Variants in HS3ST3B1 observed in about 807,000 individuals in gnomAD.
The protein encoded by HS3ST3B1 is heparan sulfate glucosamine 3-O-sulfotransferase 3B1.
HS3ST3B1 carries 13 observed loss-of-function variants against 21.3 expected under a neutral mutation model. The ratio of observed to expected loss-of-function variants is 0.61; its 90% confidence interval spans 0.40 to 0.97. The LOEUF is 0.97. Among genes scored for constraint, HS3ST3B1 ranks in the 50% least tolerant of loss-of-function variants. The pLI is 0.00. For missense variants in HS3ST3B1, 459 were observed against 554.8 expected, an observed-to-expected ratio of 0.83 and a Z score of 1.73; for synonymous variants, 234 against 254.8, an observed-to-expected ratio of 0.92 and a Z score of 0.78.
chr17:14,328,754 C>T (rs1250035437), intron 1 of HS3ST3B1: 1 of 152,218 alleles, frequency 6.6e-6, no homozygotes, highest in African/African-American at 2.4e-5. Flanking sequence ...AATCCCAACA[C>T]TTTGAGAGGC....
In HS3ST3B1 at chr17:14,345,746, T is replaced by C; in HGVS notation, c.*100T>C. 1 of 1,404,412 alleles carries C rather than the reference T, an allele frequency of 7.1e-7. No homozygotes were observed. The highest frequency in any genetic ancestry group is 1.5e-5 in the African/African-American group (1 of 68,610). The allele number at this position is 1,404,412 out of a possible 1,614,324, so 87.0% of individuals were successfully genotyped here. ...AATCTATTTTATAATAATTTATTTTTAATTCATAAGCAATTAATTCACTAA... is the reference window on the plus strand; with the variant it reads ...AATCTATTTTATAATAATTTATTTTCAATTCATAAGCAATTAATTCACTAA... On this transcript the variant is annotated 3_prime_UTR_variant, in exon 2 of 2. Coordinates refer to ENST00000360954, the MANE Select transcript of HS3ST3B1 (RefSeq NM_006041.3).
rs183383406 is a variant in HS3ST3B1, at chr17:14,316,567, T to C, written c.554+14495T>C. 1.4e-4 allele frequency among the ~76,000 whole-genome samples: 22 copies of C among 152,262 alleles called. No homozygotes were observed. The East Asian group carries it at 4.3e-3, about 29-fold the overall frequency. On this transcript the variant is annotated intron_variant, in intron 1 of 1. Coordinates refer to ENST00000360954, the MANE Select transcript of HS3ST3B1 (RefSeq NM_006041.3). Reference sequence around the variant, plus strand: ...CACCCTGCCTGGCCCTGTGTGGCGCTTGTGGTCTGAGTATGTTTTATGCTA... The same window carrying C: ...CACCCTGCCTGGCCCTGTGTGGCGCCTGTGGTCTGAGTATGTTTTATGCTA...
rs1453940319 is a variant in HS3ST3B1 at position 14,301,716 on chromosome 17, T to TG, written c.201dup (p.Ser68ValfsTer292). 3 of 1,603,470 alleles carry TG rather than the reference T, an allele frequency of 1.9e-6. No homozygotes were observed. Among genetic ancestry groups the TG allele is most frequent in the Non-Finnish European group, 2.5e-6 (3 of 1,176,814 alleles). The stretch of plus-strand genomic sequence containing the variant: ...CGCCGGGGCTGCTGCTCCTGGGCTC[T>TG]GGGTCCCGCGCCGCACACGACCCGC... On this transcript the variant is annotated frameshift_variant, in exon 1 of 2. Coordinates refer to ENST00000360954, the MANE Select transcript of HS3ST3B1 (RefSeq NM_006041.3). LOFTEE classifies it high-confidence loss of function.
chr17:14,320,517 G>A (rs67822329), intron 1 of HS3ST3B1, among the ~76,000 whole-genome samples: 14,280 of 152,154 alleles, frequency 0.094, 1,058 homozygotes, highest in African/African-American at 0.2. Flanking sequence ...ACATTGAAGG[G>A]TAACTAGTAC....
At chr17:14,344,042 A>G (rs1910475208) in intron 1 of HS3ST3B1, among the ~76,000 whole-genome samples, 1 of 151,940 alleles carries the variant, frequency 6.6e-6, no homozygotes, top group Non-Finnish European at 1.5e-5. Context: ...GATTCCAGAC[A>G]TGCACCACCA....
At chr17:14,309,470 C>T (rs2142325913) in intron 1 of HS3ST3B1, among the ~76,000 whole-genome samples, 1 of 152,282 alleles carries the variant, frequency 6.6e-6, no homozygotes, top group Non-Finnish European at 1.5e-5. Context: ...CCCGTCTTCG[C>T]GCTGATTGGG....
chr17:14,337,332 A>AT (rs35942275), intron 1 of HS3ST3B1, among the ~76,000 whole-genome samples: 1,477 of 143,436 alleles, frequency 0.01, 17 homozygotes, highest in African/African-American at 0.033. Context: ...TCCTGATTGG[A>AT]TTTTTTTTTT....
intron 1 of HS3ST3B1, among the ~76,000 whole-genome samples, chr17:14,334,737 G>A (rs1910138724): frequency 1.3e-5 from 2 of 152,130 alleles, no homozygotes; most frequent in African/African-American, 4.8e-5. Context: ...TTCCTACAGG[G>A]TAGTTTCACT....
intron 1 of HS3ST3B1, among the ~76,000 whole-genome samples, chr17:14,309,020 G>C (rs756023297): frequency 2.0e-5 from 3 of 152,236 alleles, no homozygotes; most frequent in African/African-American, 7.2e-5. Flanking sequence ...GAGCTGGGGG[G>C]AGAGCCGCCC....
chr17:14,337,664 T>C (rs1055014765), intron 1 of HS3ST3B1, among the ~76,000 whole-genome samples: 10 of 151,728 alleles, frequency 6.6e-5, no homozygotes, highest in African/African-American at 2.4e-4. Context: ...TTTGTTCTTT[T>C]CTCTGCAGTT....
intron 1 of HS3ST3B1, among the ~76,000 whole-genome samples, chr17:14,337,954 G>T (rs1428748119): frequency 2.0e-5 from 3 of 151,646 alleles, no homozygotes; most frequent in African/African-American, 4.9e-5. Context: ...CAGCATAATG[G>T]TTTCCAGTCC....
At chr17:14,344,947 G>A (rs1204871311) in intron 1 of HS3ST3B1, 81 bp from the exon 2 acceptor site, 2 of 1,517,292 alleles carry the variant, frequency 1.3e-6, no homozygotes, top group Admixed American at 2.2e-5. Flanking sequence ...GAGGGAGCTG[G>A]GATTAGAAGT....
At chr17:14,331,840 G>A (rs1439203212) in intron 1 of HS3ST3B1, among the ~76,000 whole-genome samples, 1 of 152,110 alleles carries the variant, frequency 6.6e-6, no homozygotes, top group Non-Finnish European at 1.5e-5. Flanking sequence ...GCCTTTGAAG[G>A]GAGTTCTCAG....
At chr17:14,332,210 T>A (rs9902190) in intron 1 of HS3ST3B1, among the ~76,000 whole-genome samples, 13,262 of 152,222 alleles carry the variant, frequency 0.087, 701 homozygotes, top group African/African-American at 0.14. Context: ...CAGGCTGTTT[T>A]TGGGGGGTGA....
intron 1 of HS3ST3B1, among the ~76,000 whole-genome samples, chr17:14,306,867 A>G (rs1909154910): frequency 6.6e-6 from 1 of 152,236 alleles, no homozygotes; most frequent in Non-Finnish European, 1.5e-5. Context: ...AACAATTTGA[A>G]ATACAAACCA....
intron 1 of HS3ST3B1, among the ~76,000 whole-genome samples, chr17:14,332,206 G>T (rs1422065791): frequency 6.6e-6 from 1 of 152,176 alleles, no homozygotes; most frequent in Non-Finnish European, 1.5e-5. Context: ...AGCCCAGGCT[G>T]TTTTTGGGGG....
intron 1 of HS3ST3B1, among the ~76,000 whole-genome samples, chr17:14,325,438 C>T (rs1397190125): frequency 1.3e-5 from 2 of 152,292 alleles, no homozygotes; most frequent in Middle Eastern, 3.4e-3. Context: ...CTGACTTCTT[C>T]CACTGAGTAG....
At chr17:14,338,668 C>A (rs1258215886) in intron 1 of HS3ST3B1, among the ~76,000 whole-genome samples, 1 of 149,548 alleles carries the variant, frequency 6.7e-6, no homozygotes, top group African/African-American at 2.6e-5. Context: ...GTCTCGAACT[C>A]CTGACCTCAG....
rs1034811717 is a variant in HS3ST3B1, at chr17:14,349,194, C to A, written c.*3548C>A. The A allele has an allele frequency of 1.3e-5, 2 of 152,102 alleles. No homozygotes were observed. Among genetic ancestry groups the A allele is most frequent in the Non-Finnish European group, 2.9e-5 (2 of 68,022 alleles). The allele number at this position is 152,102 out of a possible 1,614,324, so 9.4% of individuals were successfully genotyped here. On this transcript the variant is annotated 3_prime_UTR_variant, in exon 2 of 2. Transcript: ENST00000360954. ...AATTTATCACTGAGTCTCATTCAAC[C>A]AAGTAATCTAAAATACTGTGCAAAT... is the stretch of plus-strand genomic sequence containing the variant.
Sources: allele counts gnomAD v4.1 joint callset (sites outside exome capture counted in the v4.1 genomes callset), GRCh38; gene constraint gnomAD v4.1.1; transcripts MANE v1.5; gene names NCBI Gene and HGNC (gene_info 2026-07-23, HGNC 2026-07-21).